ADAM21: variants seen among roughly 807,000 people sequenced by gnomAD.
ADAM21 encodes disintegrin and metalloproteinase domain-containing protein 21.
For synonymous variants in ADAM21, 262 were observed against 306.0 expected (o/e 0.86, Z 1.50); for missense variants, 678 against 874.4 (o/e 0.78, Z 2.83).
At position 70,458,740 on chromosome 14, in the gene ADAM21, T is replaced by C. The variant is rs746222438; in HGVS notation, c.1241T>C (p.Val414Ala). 2 of 1,613,994 alleles carry C rather than the reference T, an allele frequency of 1.2e-6. No homozygotes were observed. Among genetic ancestry groups the C allele is most frequent in the Admixed American group, 1.7e-5 (1 of 60,006 alleles). The change falls in exon 2 of 2, where the codon GTT becomes GCT. Residue 414 changes from valine to alanine, a missense_variant. Physicochemically the swap from Val to Ala is moderately conservative, Grantham distance 64. Coordinates refer to ENST00000603540, the MANE Select transcript of ADAM21 (RefSeq NM_003813.4). ...CTAAAGCGCTGTGGGAATGGTGTGG[T>C]TGAAAGAGAAGAGCAGTGTGACTGT... ...FMLKRCGNGV[V>A]EREEQCDCGS...
Position 70,459,652 on chromosome 14 carries a change from C to T in ADAM21, c.2153C>T (p.Ala718Val), listed in dbSNP as rs1451674974. Residue 718 changes from alanine (A) to valine (V), a missense_variant, in exon 2 of 2, where the codon GCT becomes GTT. Ala to Val is a moderately conservative substitution (Grantham distance 64). Transcript: ENST00000603540. ...RQCSGPKETK[A>V]HSSG is the part of the protein sequence containing the mutation. Reference sequence around the variant, plus strand: ...TGTTCTGGTCCCAAAGAAACTAAGGCTCATTCATCAGGTTAAGAAAATGTC... The same window carrying T: ...TGTTCTGGTCCCAAAGAAACTAAGGTTCATTCATCAGGTTAAGAAAATGTC... The T allele has an allele frequency of 3.7e-6, 6 of 1,613,746 alleles. No homozygotes were observed. The East Asian group carries it at 8.9e-5, about 24-fold the overall frequency.
At position 70,459,692 on chromosome 14, in the gene ADAM21, C is replaced by G. The variant is rs1258775063; in HGVS notation, c.*24C>G. The G allele has an allele frequency of 3.1e-6, 5 of 1,609,390 alleles. No homozygotes were observed. The highest frequency in any genetic ancestry group is 4.2e-6 in the Non-Finnish European group (5 of 1,177,744). On this transcript the variant is annotated 3_prime_UTR_variant, in exon 2 of 2. Transcript: ENST00000603540. ...AAGAAAATGTCTCTAACTTAATATTCCATGCATTAGTACACTTTAGTCTCT... is the reference window on the plus strand; with the variant it reads ...AAGAAAATGTCTCTAACTTAATATTGCATGCATTAGTACACTTTAGTCTCT...
intron 1 of ADAM21, among the ~76,000 whole-genome samples, chr14:70,454,746 G>A (rs1173136048): frequency 2.6e-5 from 4 of 152,134 alleles, no homozygotes; most frequent in African/African-American, 9.7e-5. Context: ...ACCCTGTCTT[G>A]TTTTCAGATG....
Position 70,459,774 on chromosome 14 carries a change from G to A in ADAM21, c.*106G>A. The A allele has an allele frequency of 3.7e-6, 5 of 1,369,188 alleles. No homozygotes were observed. Among genetic ancestry groups the A allele is most frequent in the Non-Finnish European group, 5.0e-6 (5 of 1,007,456 alleles). 84.8% of individuals were successfully genotyped at this position (1,369,188 alleles called of 1,614,324 possible). On this transcript the variant is annotated 3_prime_UTR_variant, in exon 2 of 2. Coordinates refer to ENST00000603540, the MANE Select transcript of ADAM21 (RefSeq NM_003813.4). ...CTGAGCACATTTCTGACCATTTCCA[G>A]AAAGCTGCAAAGATCTTCCCTTACA... is the stretch of plus-strand genomic sequence containing the variant.
In ADAM21 at chr14:70,459,345, G is replaced by A. The variant is rs1882487497; in HGVS notation, c.1846G>A (p.Gly616Arg). The A allele has an allele frequency of 6.2e-7, 1 of 1,614,088 alleles. No homozygotes were observed. The highest frequency in any genetic ancestry group is 8.5e-7 in the Non-Finnish European group (1 of 1,180,042). ...EVKDGTVCGP[G>R]KICIHKKCVS... is the part of the protein sequence containing the mutation. ...GAAAGATGGTACTGTGTGTGGCCCAGGAAAGATCTGCATCCATAAGAAGTG... is the reference window on the plus strand; with the variant it reads ...GAAAGATGGTACTGTGTGTGGCCCAAGAAAGATCTGCATCCATAAGAAGTG... The change falls in exon 2 of 2, where the codon GGA becomes AGA. Residue 616 changes from glycine to arginine, a missense_variant. Gly to Arg is a moderately radical substitution (Grantham distance 125). Coordinates refer to ENST00000603540, the MANE Select transcript of ADAM21 (RefSeq NM_003813.4).
In ADAM21 at chr14:70,452,587, C is replaced by T. The variant is rs183930926; in HGVS notation, c.-152+324C>T. On this transcript the variant is annotated intron_variant, in intron 1 of 1. Transcript: ENST00000603540. ...TTCACCATGTTAGCCAGGATGGTCT[C>T]GATCTCCTGACCTCGTGATCCGCCC... 9.1e-4 allele frequency among the ~76,000 whole-genome samples: 139 copies of T among 152,240 alleles called. 1 individual carries two copies. The highest frequency in any genetic ancestry group is 2.9e-3 in the African/African-American group (120 of 41,550).
Position 70,458,784 on chromosome 14 carries a change from G to C in ADAM21, c.1285G>C (p.Glu429Gln), listed in dbSNP as rs72735760. The C allele has an allele frequency of 0.041, 66,471 of 1,614,158 alleles. 1,618 individuals carry two copies. Among genetic ancestry groups the C allele is most frequent in the Middle Eastern group, 0.055 (336 of 6,060 alleles). ...QCDCGSVQQCEQDACCLLNCT... is the reference protein window; with the variant it reads ...QCDCGSVQQCQQDACCLLNCT... ...TGACTGTGGATCCGTACAGCAGTGT[G>C]AACAAGACGCCTGTTGTCTGTTGAA... The change falls in exon 2 of 2, where the codon GAA becomes CAA. Residue 429 changes from glutamate (E) to glutamine (Q), a missense_variant. Transcript: ENST00000603540.
chr14:70,457,885 T>A lies in ADAM21; in HGVS notation c.386T>A (p.Phe129Tyr). 2.0e-6 allele frequency: 3 copies of A among 1,504,398 alleles called. No individual in the cohort carries two copies. Among genetic ancestry groups the A allele is most frequent in the Non-Finnish European group, 2.8e-6 (3 of 1,089,296 alleles). 93.2% of individuals were successfully genotyped at this position (1,504,398 alleles called of 1,614,324 possible). Residue 129 changes from phenylalanine (F) to tyrosine (Y), a missense_variant, in exon 2 of 2, where the codon TTT becomes TAT. Phe to Tyr is a conservative substitution (Grantham distance 22). Transcript: ENST00000603540. ...TCTCTGGTTGTGTTCAGTGCTTGTT[T>A]TGGGGGCTTTCGAGGAGTATTAAAA... ...PESLVVFSAC[F>Y]GGFRGVLKIS... is the part of the protein sequence containing the mutation.
In ADAM21 at chr14:70,457,675, G is replaced by A; in HGVS notation, c.176G>A (p.Gly59Glu). ...AGGGGCAGAAGTGCAAAGGCTCCTGGATGGCTCTCCTATAGTCTGCGGTTT... is the reference window on the plus strand; with the variant it reads ...AGGGGCAGAAGTGCAAAGGCTCCTGAATGGCTCTCCTATAGTCTGCGGTTT... Reference protein sequence around the residue: ...ISRGRSAKAPGWLSYSLRFGG... With the variant: ...ISRGRSAKAPEWLSYSLRFGG... The change falls in exon 2 of 2, where the codon GGA (glycine) becomes GAA (glutamate). Residue 59 changes from glycine to glutamate, a missense_variant. Transcript: ENST00000603540. The A allele has an allele frequency of 6.2e-7, 1 of 1,613,970 alleles. No homozygotes were observed. Among genetic ancestry groups the A allele is most frequent in the Non-Finnish European group, 8.5e-7 (1 of 1,179,946 alleles).
In ADAM21 at chr14:70,457,706, C is replaced by T. The variant is rs1254329803; in HGVS notation, c.207C>T (p.Gly69=). The T allele has an allele frequency of 9.3e-6, 15 of 1,613,736 alleles. No homozygotes were observed. The highest frequency in any genetic ancestry group is 1.3e-5 in the Non-Finnish European group (15 of 1,179,912). ...GWLSYSLRFG[G]QKHVVHMRVK... is the part of the protein sequence containing the mutation. ...TCTCCTATAGTCTGCGGTTTGGGGG[C>T]CAGAAACACGTTGTTCATATGAGGG... The change falls in exon 2 of 2, where the codon GGC becomes GGT. Residue 69 remains glycine (G), a synonymous_variant. Coordinates refer to ENST00000603540, the MANE Select transcript of ADAM21 (RefSeq NM_003813.4).
chr14:70,459,429 A>T lies in ADAM21; in HGVS notation c.1930A>T (p.Ile644Phe), dbSNP rs759324797. The change falls in exon 2 of 2, where the codon ATC (isoleucine) becomes TTC (phenylalanine). Residue 644 changes from isoleucine (I) to phenylalanine (F), a missense_variant. Physicochemically the swap from Ile to Phe is conservative, Grantham distance 21 (BLOSUM62 0). Transcript: ENST00000603540. ...CLPETCNMKG[I>F]CNNKHHCHCG... ...TCCTGAGACCTGCAATATGAAGGGG[A>T]TCTGCAATAACAAACATCACTGCCA... 6.2e-7 allele frequency: 1 copy of T among 1,614,082 alleles called. No individual in the cohort carries two copies. Among genetic ancestry groups the T allele is most frequent in the Non-Finnish European group, 8.5e-7 (1 of 1,180,034 alleles).
chr14:70,458,697 T>C lies in ADAM21; in HGVS notation c.1198T>C (p.Leu400=), dbSNP rs755438879. The C allele has an allele frequency of 8.7e-6, 14 of 1,613,912 alleles. No individual in the cohort carries two copies. Among genetic ancestry groups the C allele is most frequent in the African/African-American group, 2.7e-5 (2 of 74,934 alleles). ...QGSCLHNPPR[L]GEIFMLKRCG... ...ATCATGTCTGCATAATCCTCCAAGA[T>C]TGGGGGAAATCTTTATGCTAAAGCG... Residue 400 remains leucine (L), a synonymous_variant, in exon 2 of 2, where the codon TTG becomes CTG. Coordinates refer to ENST00000603540, the MANE Select transcript of ADAM21 (RefSeq NM_003813.4).
chr14:70,458,819 A>G lies in ADAM21; in HGVS notation c.1320A>G (p.Leu440=). 6.2e-7 allele frequency: 1 copy of G among 1,614,216 alleles called. No homozygotes were observed. Among genetic ancestry groups the G allele is most frequent in the Admixed American group, 1.7e-5 (1 of 60,030 alleles). The change falls in exon 2 of 2, where the codon CTA becomes CTG. Residue 440 remains leucine (L), a synonymous_variant. Transcript: ENST00000603540. ...QDACCLLNCT[L]RPGAACAFGL... ...CCTGTTGTCTGTTGAACTGCACTCT[A>G]AGGCCTGGGGCTGCCTGTGCTTTTG...
At position 70,459,880 on chromosome 14, in the gene ADAM21, T is replaced by A; in HGVS notation, c.*212T>A. The A allele has an allele frequency of 5.0e-6, 3 of 601,610 alleles. No individual in the cohort carries two copies. Among genetic ancestry groups the A allele is most frequent in the Non-Finnish European group, 8.5e-6 (3 of 353,088 alleles). 37.3% of individuals were successfully genotyped at this position (601,610 alleles called of 1,614,324 possible). ...ATTGTTTATTGTTTTAAGCAGCAAA[T>A]AAAGCTACATCCTTCCCTCCCTTTA... On this transcript the variant is annotated 3_prime_UTR_variant, in exon 2 of 2. Coordinates refer to ENST00000603540, the MANE Select transcript of ADAM21 (RefSeq NM_003813.4).
chr14:70,454,530 G>A (rs1889079851), intron 1 of ADAM21, among the ~76,000 whole-genome samples: 1 of 152,180 alleles, frequency 6.6e-6, no homozygotes, highest in Non-Finnish European at 1.5e-5. Context: ...GGGGGATGAT[G>A]AAAGAAAAGT....
rs1364143234 is a variant in ADAM21, at chr14:70,459,857, T to C, written c.*189T>C. 2 of 688,556 alleles carry C rather than the reference T, an allele frequency of 2.9e-6. No homozygotes were observed. The highest frequency in any genetic ancestry group is 4.7e-6 in the Non-Finnish European group (2 of 423,598). The allele number at this position is 688,556 out of a possible 1,614,324, so 42.7% of individuals were successfully genotyped here. On this transcript the variant is annotated 3_prime_UTR_variant, in exon 2 of 2. Coordinates refer to ENST00000603540, the MANE Select transcript of ADAM21 (RefSeq NM_003813.4). Reference sequence around the variant, plus strand: ...TTATTCTTAACATGTTTCTATCTATTGTTTATTGTTTTAAGCAGCAAATAA... The same window carrying C: ...TTATTCTTAACATGTTTCTATCTATCGTTTATTGTTTTAAGCAGCAAATAA...
rs925206665 is a variant in ADAM21 at position 70,457,356 on chromosome 14, G to A, written c.-144G>A. The stretch of plus-strand genomic sequence containing the variant: ...TTTTATTTTTACTTCCAGCACTGCA[G>A]TTCTGATCTAACTCTGCCAGGACAC... On this transcript the variant is annotated 5_prime_UTR_variant, in exon 2 of 2. Transcript: ENST00000603540. 1 of 1,283,418 alleles carries A rather than the reference G, an allele frequency of 7.8e-7. No individual in the cohort carries two copies. The highest frequency in any genetic ancestry group is 1.1e-6 in the Non-Finnish European group (1 of 915,784). 79.5% of individuals were successfully genotyped at this position (1,283,418 alleles called of 1,614,324 possible).
chr14:70,457,298 T>G, intron 1 of ADAM21, 51 bp from the exon 2 acceptor site: 1 of 678,300 alleles, frequency 1.5e-6, no homozygotes. Context: ...TTTTCTCTCC[T>G]GATTCCTTAC....
chr14:70,454,139 T>C (rs1889074801), intron 1 of ADAM21, among the ~76,000 whole-genome samples: 1 of 152,198 alleles, frequency 6.6e-6, no homozygotes, highest in Admixed American at 6.5e-5. Context: ...GAGGTGCAAA[T>C]GCAATATCCA....
Sources: gnomAD v4.1 joint callset for allele counts (sites outside exome capture counted in the v4.1 genomes callset) on GRCh38, gnomAD v4.1.1 for gene constraint, MANE v1.5 for transcripts, NCBI Gene and HGNC (gene_info 2026-07-23, HGNC 2026-07-21) for gene names.